The following HMCN1 variants were observed in gnomAD, a reference collection of about 807,000 sequenced individuals.
HMCN1 encodes the protein hemicentin 1, also known as hemicentin-1.
A neutral mutation model predicts 625.9 loss-of-function variants in HMCN1; 321 were observed. That is an observed-to-expected ratio of 0.51 (90% CI 0.47 to 0.56). The LOEUF is 0.56. Among genes scored for constraint, HMCN1 ranks in the 20% least tolerant of loss-of-function variants. The pLI is 0.00. For synonymous variants in HMCN1, 2,425 were observed against 2,417.6 expected, an observed-to-expected ratio of 1.00 and a Z score of -0.09; for missense variants, 6,588 against 6,887.3, an observed-to-expected ratio of 0.96 and a Z score of 1.54.
intron 104 of HMCN1, among the ~76,000 whole-genome samples, chr1:186,181,438 A>G (rs1652924555): frequency 6.6e-6 from 1 of 152,106 alleles, no homozygotes; most frequent in African/African-American, 2.4e-5. Context: ...ATAGCCCTTT[A>G]TAGACTACTT....
intron 2 of HMCN1, among the ~76,000 whole-genome samples, chr1:185,858,864 C>T (rs1007457109): frequency 1.3e-5 from 2 of 151,680 alleles, no homozygotes; most frequent in African/African-American, 4.8e-5. Context: ...ACAAATCAAC[C>T]TACAGTCTCT....
Position 186,132,391 on chromosome 1 carries a change from A to C in HMCN1, c.13294A>C (p.Met4432Leu). 1.2e-6 allele frequency: 2 copies of C among 1,611,978 alleles called. No individual in the cohort carries two copies. Among genetic ancestry groups the C allele is most frequent in the Non-Finnish European group, 1.7e-6 (2 of 1,178,816 alleles). ...TNEAGVVERS[M>L]SLTLQSPPII... ...TGAAGCTGGGGTGGTGGAGCGCAGCATGAGTCTGACTCTGCAAAGTAAGCT... is the reference window on the plus strand; with the variant it reads ...TGAAGCTGGGGTGGTGGAGCGCAGCCTGAGTCTGACTCTGCAAAGTAAGCT... The change falls in exon 86 of 107, where the codon ATG (methionine) becomes CTG (leucine). Residue 4432 changes from methionine (M) to leucine (L), a missense_variant. By Grantham distance (15) the Met-to-Leu change is conservative. Around this residue, in one of 3 missense-constraint regions of HMCN1, gnomAD observed 1,954 missense variants for 2,013.1 expected, o/e 0.97. Transcript: ENST00000271588.
intron 23 of HMCN1, among the ~76,000 whole-genome samples, chr1:185,994,289 T>C (rs1302732189): frequency 6.6e-6 from 1 of 152,136 alleles, no homozygotes; most frequent in Non-Finnish European, 1.5e-5. Flanking sequence ...AGGAAGTCGA[T>C]AAAAGGAAGA....
At chr1:185,924,733 G>A (rs904079136) in intron 8 of HMCN1, among the ~76,000 whole-genome samples, 1 of 151,836 alleles carries the variant, frequency 6.6e-6, no homozygotes, top group Non-Finnish European at 1.5e-5. Context: ...TTCTAAAATT[G>A]ATATATTGTT....
intron 6 of HMCN1, among the ~76,000 whole-genome samples, chr1:185,914,202 GA>G (rs1453959822): frequency 6.6e-6 from 1 of 152,064 alleles, no homozygotes; most frequent in Non-Finnish European, 1.5e-5. Context: ...TGTTACAAAG[GA>G]AATTGAACTG....
chr1:186,052,898 T>C, intron 42 of HMCN1, 54 bp from the exon 43 acceptor site: 1 of 1,429,252 alleles, frequency 7.0e-7, no homozygotes, highest in Non-Finnish European at 9.9e-7. Flanking sequence ...TGTAAACTGT[T>C]ATGAGAATTC....
In HMCN1 at chr1:186,137,801, G is replaced by A. The variant is rs778838798; in HGVS notation, c.13754-1G>A. The A allele has an allele frequency of 1.9e-6, 3 of 1,613,972 alleles. No individual in the cohort carries two copies. The highest frequency in any genetic ancestry group is 2.5e-6 in the Non-Finnish European group (3 of 1,179,992). ...TGGTGTAATGGTTCACCTTTGTATA[G>A]TGGATGGTAGCTGGTCGGAATGGAG... On this transcript the variant is annotated splice_acceptor_variant, in intron 88 of 106. Coordinates refer to ENST00000271588, the MANE Select transcript of HMCN1 (RefSeq NM_031935.3). LOFTEE classifies it high-confidence loss of function.
At chr1:185,927,535 C>A (rs1667338685) in intron 9 of HMCN1, among the ~76,000 whole-genome samples, 1 of 152,152 alleles carries the variant, frequency 6.6e-6, no homozygotes, top group Non-Finnish European at 1.5e-5. Flanking sequence ...TTAACTTTTT[C>A]TTACAAACCC....
intron 48 of HMCN1, among the ~76,000 whole-genome samples, chr1:186,064,231 C>A (rs990666704): frequency 6.6e-6 from 1 of 152,068 alleles, no homozygotes; most frequent in African/African-American, 2.4e-5. Context: ...TCTTTCCTAA[C>A]ATGACTTGCT....
chr1:185,755,225 A>G (rs1166100703), intron 1 of HMCN1, among the ~76,000 whole-genome samples: 1 of 152,086 alleles, frequency 6.6e-6, no homozygotes, highest in Non-Finnish European at 1.5e-5. Flanking sequence ...TTTATTCTCT[A>G]TGTTGTAAAG....
chr1:185,752,379 C>G (rs1408346624), intron 1 of HMCN1, among the ~76,000 whole-genome samples: 1 of 152,102 alleles, frequency 6.6e-6, no homozygotes, highest in African/African-American at 2.4e-5. Flanking sequence ...GACATTAACA[C>G]TTTAATAGTC....
chr1:186,092,972 T>C (rs1659921493), intron 64 of HMCN1, among the ~76,000 whole-genome samples, 162 bp from the exon 65 acceptor site: 1 of 152,134 alleles, frequency 6.6e-6, no homozygotes, highest in African/African-American at 2.4e-5. Flanking sequence ...CTTCCTTTTT[T>C]TCTTATAAGG....
chr1:186,066,019 T>G (rs1286233008), intron 49 of HMCN1, among the ~76,000 whole-genome samples: 1 of 152,178 alleles, frequency 6.6e-6, no homozygotes, highest in Admixed American at 6.5e-5. Flanking sequence ...GTTGTTTGTT[T>G]TTATAGTTAT....
In HMCN1 at chr1:185,992,712, T is replaced by A. The variant is rs534923941; in HGVS notation, c.3378-470T>A. On this transcript the variant is annotated intron_variant, in intron 22 of 106. Coordinates refer to ENST00000271588, the MANE Select transcript of HMCN1 (RefSeq NM_031935.3). ...TAGGTCTACCTAGCCTCCCCTATCC[T>A]TTAAAACTATTTTAACACAATGCAA... is the stretch of plus-strand genomic sequence containing the variant. Among the ~76,000 whole-genome samples the A allele has an allele frequency of 3.3e-5, 5 of 152,270 alleles. 1 individual carries two copies. The South Asian group carries it at 1.0e-3, about 32-fold the overall frequency.
chr1:186,064,432 A>T (rs1657974691), intron 48 of HMCN1, among the ~76,000 whole-genome samples: 1 of 152,148 alleles, frequency 6.6e-6, no homozygotes, highest in Non-Finnish European at 1.5e-5. Flanking sequence ...ATCCTGGTAT[A>T]GACTCAAAAT....
At chr1:185,759,033 T>C (rs760947314) in intron 1 of HMCN1, among the ~76,000 whole-genome samples, 7 of 152,196 alleles carry the variant, frequency 4.6e-5, no homozygotes, top group Non-Finnish European at 4.4e-5. Context: ...CTGAAGGTGA[T>C]GGTTGAAGAT....
At chr1:186,005,679 T>G (rs1043431329) in intron 29 of HMCN1, among the ~76,000 whole-genome samples, 144 of 152,246 alleles carry the variant, frequency 9.5e-4, no homozygotes, top group African/African-American at 3.4e-3. Context: ...AAGAGAAGTC[T>G]GGAAAGCAGA....
intron 41 of HMCN1, among the ~76,000 whole-genome samples, chr1:186,047,580 A>T (rs951786689): frequency 5.9e-5 from 9 of 152,156 alleles, no homozygotes; most frequent in African/African-American, 2.2e-4. Flanking sequence ...GGTACACACT[A>T]GGTGCTCAAT....
At chr1:185,914,968 GT>G (rs1247387897) in intron 6 of HMCN1, among the ~76,000 whole-genome samples, 1 of 151,980 alleles carries the variant, frequency 6.6e-6, no homozygotes, top group Non-Finnish European at 1.5e-5. Flanking sequence ...AGAAGAACTG[GT>G]TTACTTAGCC....
Sources: allele counts gnomAD v4.1 joint callset (sites outside exome capture counted in the v4.1 genomes callset), GRCh38; gene constraint gnomAD v4.1.1; regional missense constraint gnomAD v4.1.1; transcripts MANE v1.5; gene names NCBI Gene and HGNC (gene_info 2026-07-23, HGNC 2026-07-21).